Variants in PPM1G observed in about 807,000 individuals in gnomAD.
PPM1G encodes protein phosphatase, Mg2+/Mn2+ dependent 1G, also known as protein phosphatase 1G.
A neutral mutation model predicts 59.4 loss-of-function variants in PPM1G; 12 were observed. The observed-to-expected ratio is 0.20, with a 90% confidence interval of 0.13 to 0.33. The LOEUF (loss-of-function observed/expected upper bound fraction) is 0.33, where lower values mean the gene tolerates loss of function less well. PPM1G is among the 10% of genes least tolerant of loss of function. The pLI, the probability that PPM1G is intolerant of heterozygous loss-of-function variation, is 1.00. For synonymous variants in PPM1G, 245 were observed against 251.9 expected (o/e 0.97, Z 0.26); for missense variants, 392 against 681.3 (o/e 0.58, Z 4.73).
rs1572672480 is a variant in PPM1G at position 27,409,510 on chromosome 2, G to A, written c.-88C>T. 1 of 1,340,960 alleles carries A rather than the reference G, an allele frequency of 7.5e-7. No homozygotes were observed. The highest frequency in any genetic ancestry group is 9.5e-7 in the Non-Finnish European group (1 of 1,047,424). 83.1% of individuals were successfully genotyped at this position (1,340,960 alleles called of 1,614,324 possible). The stretch of plus-strand genomic sequence containing the variant: ...AGCCCCGGGGGTGCGCGCGGCAGGA[G>A]CAGGCCCCGCGGCGCGACCGACGCA... On this transcript the variant is annotated 5_prime_UTR_variant, in exon 1 of 10. Coordinates refer to ENST00000344034, the MANE Select transcript of PPM1G (RefSeq NM_177983.3).
Position 27,382,513 on chromosome 2 carries a change from C to A in PPM1G, c.1294G>T (p.Asp432Tyr). The A allele has an allele frequency of 6.2e-7, 1 of 1,614,154 alleles. No individual in the cohort carries two copies. Among genetic ancestry groups the A allele is most frequent in the South Asian group, 1.1e-5 (1 of 91,050 alleles). Reference protein sequence around the residue: ...PDIKVLTLTDDHEFMVIACDG... With the variant: ...PDIKVLTLTDYHEFMVIACDG... ...CAGGCAATGACCATGAATTCATGGT[C>A]GTCAGTGAGAGTCAGCACCTTGATG... Residue 432 changes from aspartate (D) to tyrosine (Y), a missense_variant, in exon 8 of 10, where the codon GAC (aspartate) becomes TAC (tyrosine). By Grantham distance (160) the Asp-to-Tyr change is radical. Transcript: ENST00000344034. This position sits in a 1 kb window ranked among gnomAD's most constrained non-coding sequence, Gnocchi z 4.2.
Position 27,402,007 on chromosome 2 carries a change from T to A in PPM1G, c.120+7296A>T, listed in dbSNP as rs535345732. On this transcript the variant is annotated intron_variant, in intron 1 of 9. Transcript: ENST00000344034. ...ATACAGTATATGAACTCTATCTCAA[T>A]AAAGCTGATTAAAAAGGAACCTGTA... 1.2e-4 allele frequency among the ~76,000 whole-genome samples: 18 copies of A among 152,006 alleles called. No individual in the cohort carries two copies. The East Asian group carries it at 1.9e-3, about 16-fold the overall frequency.
chr2:27,388,819 G>A (rs571041159), intron 1 of PPM1G, among the ~76,000 whole-genome samples: 1 of 150,302 alleles, frequency 6.7e-6, no homozygotes, highest in South Asian at 2.1e-4. Context: ...AGCCTGCAGT[G>A]AGCCGAGATT....
chr2:27,393,354 G>A, intron 1 of PPM1G: 12 of 1,593,102 alleles, frequency 7.5e-6, no homozygotes, highest in Non-Finnish European at 1.0e-5. Flanking sequence ...CTGCGAGGTA[G>A]ACGCGGTCGT....
At chr2:27,406,132 C>T (rs940530302) in intron 1 of PPM1G, among the ~76,000 whole-genome samples, 7 of 152,186 alleles carry the variant, frequency 4.6e-5, no homozygotes, top group East Asian at 1.9e-4. Context: ...GTCCTCTCTA[C>T]GGCTAAATCT....
At chr2:27,391,539 G>T (rs976290906) in intron 1 of PPM1G, among the ~76,000 whole-genome samples, 2 of 152,082 alleles carry the variant, frequency 1.3e-5, no homozygotes, top group Non-Finnish European at 1.5e-5. Context: ...CTTTTTGCTT[G>T]TTAGGTTCCT....
chr2:27,383,250 G>A lies in PPM1G; in HGVS notation c.1201+116C>T. 1.2e-6 allele frequency: 1 copy of A among 814,186 alleles called. No individual in the cohort carries two copies. Among genetic ancestry groups the A allele is most frequent in the Non-Finnish European group, 2.0e-6 (1 of 496,624 alleles). The allele number at this position is 814,186 out of a possible 1,614,324, so 50.4% of individuals were successfully genotyped here. On this transcript the variant is annotated intron_variant, in intron 7 of 9. Transcript: ENST00000344034. This position sits in a 1 kb window ranked among gnomAD's most constrained non-coding sequence, Gnocchi z 5.0. ...TCACAGAAATATAAGAACAGAGGTAGTAGATATTAAAGTGCTTTGAAAGGC... is the reference window on the plus strand; with the variant it reads ...TCACAGAAATATAAGAACAGAGGTAATAGATATTAAAGTGCTTTGAAAGGC...
At chr2:27,408,308 CCAGA>C (rs1386564852) in intron 1 of PPM1G, among the ~76,000 whole-genome samples, 2 of 152,126 alleles carry the variant, frequency 1.3e-5, no homozygotes, top group Non-Finnish European at 2.9e-5. Flanking sequence ...ACCCTCAATA[CCAGA>C]CAGAGTATTT....
rs1239643465 is a variant in PPM1G, at chr2:27,385,023, G to A, written c.475C>T (p.Arg159Cys). 5 of 1,613,946 alleles carry A rather than the reference G, an allele frequency of 3.1e-6. No individual in the cohort carries two copies. The South Asian group carries it at 3.3e-5, about 11-fold the overall frequency. The change falls in exon 5 of 10, where the codon CGC becomes TGC. Residue 159 changes from arginine to cysteine, a missense_variant. Transcript: ENST00000344034. This position sits in a 1 kb window ranked among gnomAD's most constrained non-coding sequence, Gnocchi z 4.1. The stretch of plus-strand genomic sequence containing the variant: ...CCCTTGTGACAGTTCTGCCCGTAGC[G>A]TGTCAGCAGCTCTTCAATAGTCATG... Reference protein sequence around the residue: ...ATMTIEELLTRYGQNCHKGPP... With the variant: ...ATMTIEELLTCYGQNCHKGPP...
chr2:27,401,633 CTGGGCAACA>C (rs796919964), intron 1 of PPM1G, among the ~76,000 whole-genome samples: 39 of 152,228 alleles, frequency 2.6e-4, no homozygotes, highest in African/African-American at 8.9e-4. Flanking sequence ...CGAGACCAGC[CTGGGCAACA>C]TGGTGAAACC....
At position 27,385,973 on chromosome 2, in the gene PPM1G, G is replaced by C. The variant is rs1683755003; in HGVS notation, c.277-94C>G. Reference sequence around the variant, plus strand: ...GATGGAATACAAATTAAGAGTGTGAGCCACCACACTAAGAGACACTCACAG... The same window carrying C: ...GATGGAATACAAATTAAGAGTGTGACCCACCACACTAAGAGACACTCACAG... On this transcript the variant is annotated intron_variant, in intron 3 of 9. Coordinates refer to ENST00000344034, the MANE Select transcript of PPM1G (RefSeq NM_177983.3). The surrounding 1 kb of genome is among the most constrained non-coding windows in gnomAD (Gnocchi z 4.1). The C allele has an allele frequency of 7.0e-7, 1 of 1,427,172 alleles. No individual in the cohort carries two copies. Among genetic ancestry groups the C allele is most frequent in the South Asian group, 1.3e-5 (1 of 74,814 alleles). The allele number at this position is 1,427,172 out of a possible 1,614,324, so 88.4% of individuals were successfully genotyped here.
At position 27,383,697 on chromosome 2, in the gene PPM1G, C is replaced by G. The variant is rs182960958; in HGVS notation, c.967-97G>C. ...TCACCTATGCTTGCTTTCACTGGGA[C>G]CCCCAAAAGAGCTTTAACAAACAGG... On this transcript the variant is annotated intron_variant, in intron 6 of 9. Coordinates refer to ENST00000344034, the MANE Select transcript of PPM1G (RefSeq NM_177983.3). The surrounding 1 kb of genome is among the most constrained non-coding windows in gnomAD (Gnocchi z 5.0). 2.3e-6 allele frequency: 3 copies of G among 1,285,562 alleles called. No individual in the cohort carries two copies. Among genetic ancestry groups the G allele is most frequent in the Non-Finnish European group, 3.2e-6 (3 of 933,256 alleles). 79.6% of individuals were successfully genotyped at this position (1,285,562 alleles called of 1,614,324 possible). A position where few individuals can be genotyped will look rare whatever the true frequency, so the allele number is the denominator to read the frequency against.
chr2:27,387,258 C>A, intron 1 of PPM1G, 100 bp from the exon 2 acceptor site: 1 of 832,760 alleles, frequency 1.2e-6, no homozygotes, highest in South Asian at 1.5e-5. Context: ...CCCTGGCTGG[C>A]CTATATGGCC....
At chr2:27,386,325 C>T (rs771216001) in intron 2 of PPM1G, 46 bp from the exon 3 acceptor site, 15 of 1,349,610 alleles carry the variant, frequency 1.1e-5, no homozygotes, top group African/African-American at 1.4e-5. Context: ...GCTCCCCACA[C>T]ATAGAAAGTG....
intron 1 of PPM1G, among the ~76,000 whole-genome samples, chr2:27,390,552 TCAA>T (rs530594101): frequency 2.8e-4 from 43 of 152,154 alleles, no homozygotes; most frequent in Non-Finnish European, 3.5e-4. Flanking sequence ...AGACCTCATC[TCAA>T]CAACAACAAC....
At chr2:27,403,091 T>C (rs1237681121) in intron 1 of PPM1G, among the ~76,000 whole-genome samples, 1 of 151,978 alleles carries the variant, frequency 6.6e-6, no homozygotes, top group Admixed American at 6.6e-5. Flanking sequence ...CCATACTCCT[T>C]ACCACTCAAG....
Position 27,403,995 on chromosome 2 carries a change from C to A in PPM1G, c.120+5308G>T, listed in dbSNP as rs549211287. ...AGATAAGAAAATAAATGTTTTTCAA[C>A]CTTCAATGCCCTAAGGTAGAACCCC... On this transcript the variant is annotated intron_variant, in intron 1 of 9. Transcript: ENST00000344034. Among the ~76,000 whole-genome samples, 6 of 152,220 alleles carry A rather than the reference C, an allele frequency of 3.9e-5. No individual in the cohort carries two copies. The East Asian group carries it at 1.2e-3, about 29-fold the overall frequency.
chr2:27,408,682 T>C (rs1238583939), intron 1 of PPM1G, among the ~76,000 whole-genome samples: 4 of 152,140 alleles, frequency 2.6e-5, no homozygotes, highest in Non-Finnish European at 4.4e-5. Flanking sequence ...GGGACTGACA[T>C]AATTCAAGTT....
At position 27,384,604 on chromosome 2, in the gene PPM1G, A is replaced by T; in HGVS notation, c.825+69T>A. On this transcript the variant is annotated intron_variant, in intron 5 of 9. Transcript: ENST00000344034. This position sits in a 1 kb window ranked among gnomAD's most constrained non-coding sequence, Gnocchi z 4.8. Reference sequence around the variant, plus strand: ...AATAGGAGAAGGAAAGAGAGTTGAAAACTACAGACGGCAACCAAACAGGAC... The same window carrying T: ...AATAGGAGAAGGAAAGAGAGTTGAATACTACAGACGGCAACCAAACAGGAC... 1 of 1,508,904 alleles carries T rather than the reference A, an allele frequency of 6.6e-7. No individual in the cohort carries two copies. 93.5% of individuals were successfully genotyped at this position (1,508,904 alleles called of 1,614,324 possible).
Sources: gnomAD v4.1 joint callset for allele counts (sites outside exome capture counted in the v4.1 genomes callset) on GRCh38, gnomAD v4.1.1 for gene constraint, Gnocchi (gnomAD v3.1) non-coding constraint, MANE v1.5 for transcripts, NCBI Gene and HGNC (gene_info 2026-07-23, HGNC 2026-07-21) for gene names.